COL22A1: variants seen among roughly 807,000 people sequenced by gnomAD.
The protein encoded by COL22A1 is collagen alpha-1(XXII) chain.
In COL22A1, 221 loss-of-function variants were observed where a neutral mutation model predicts 248.9. The ratio of observed to expected loss-of-function variants is 0.89; its 90% CI spans 0.80 to 0.99. The LOEUF is 0.99. Among genes scored for constraint, COL22A1 ranks in the 50% least tolerant of loss-of-function variants. COL22A1 has a pLI of 0.00. For missense variants in COL22A1, 2,240 were observed against 2,179.0 expected (o/e 1.03, Z -0.56); for synonymous variants, 891 against 793.4 (o/e 1.12, Z -2.07).
At chr8:138,612,921 G>C (rs1181887354) in intron 56 of COL22A1, among the ~76,000 whole-genome samples, 2 of 110,672 alleles carry the variant, frequency 1.8e-5, no homozygotes, top group African/African-American at 6.9e-5. Flanking sequence ...GGGTGACACA[G>C]CAGGACTCCA....
chr8:138,646,522 A>T, intron 47 of COL22A1, 107 bp downstream of exon 47: 1 of 851,042 alleles, frequency 1.2e-6, no homozygotes, highest in Non-Finnish European at 1.7e-6. Context: ...GGGTTTTCTG[A>T]TTTTAAAACC....
intron 19 of COL22A1, 108 bp from the exon 20 acceptor site, chr8:138,755,619 G>A (rs990358810): frequency 2.5e-5 from 35 of 1,384,620 alleles, no homozygotes; most frequent in African/African-American, 1.0e-4. Flanking sequence ...CTGTCATGTC[G>A]TGCCTCCTGA....
chr8:138,616,505 T>C (rs1222471416), intron 54 of COL22A1, among the ~76,000 whole-genome samples: 1 of 152,204 alleles, frequency 6.6e-6, no homozygotes, highest in Non-Finnish European at 1.5e-5. Context: ...CTCTGGAGTC[T>C]TCCCATCTGG....
chr8:138,725,570 C>A, intron 23 of COL22A1, 130 bp from the exon 24 acceptor site: 4 of 743,404 alleles, frequency 5.4e-6, no homozygotes, highest in East Asian at 2.9e-5. Context: ...ATTTGTAATG[C>A]CTGATTTTTC....
intron 23 of COL22A1, among the ~76,000 whole-genome samples, chr8:138,727,451 G>A (rs1029845092): frequency 1.3e-5 from 2 of 152,206 alleles, no homozygotes; most frequent in Non-Finnish European, 2.9e-5. Context: ...ATCCTAGGGT[G>A]TGGCATCCAG....
At chr8:138,875,725 C>A (rs1270596488) in intron 3 of COL22A1, among the ~76,000 whole-genome samples, 1 of 152,148 alleles carries the variant, frequency 6.6e-6, no homozygotes, top group Non-Finnish European at 1.5e-5. Flanking sequence ...CTCAGGCCTA[C>A]AACTGAGGGC....
chr8:138,594,106 C>G lies in COL22A1; in HGVS notation c.4526G>C (p.Gly1509Ala). The G allele has an allele frequency of 6.3e-7, 1 of 1,581,840 alleles. No homozygotes were observed. Among genetic ancestry groups the G allele is most frequent in the Non-Finnish European group, 8.5e-7 (1 of 1,170,010 alleles). Residue 1509 changes from glycine to alanine, a missense_variant, in exon 63 of 65, where the codon GGG becomes GCG. By Grantham distance (60) the Gly-to-Ala change is moderately conservative. Transcript: ENST00000303045. ...CATGGGGCCGGCCCGGCCTGGAAGCCCATCTTTTCCAGGGGGCCCTGGGGG... is the reference window on the plus strand; with the variant it reads ...CATGGGGCCGGCCCGGCCTGGAAGCGCATCTTTTCCAGGGGGCCCTGGGGG... The part of the protein sequence containing the change: ...PGPPGPPGKD[G>A]LPGRAGPMGE...
intron 52 of COL22A1, among the ~76,000 whole-genome samples, chr8:138,621,893 C>A (rs977281505): frequency 2.0e-5 from 3 of 152,244 alleles, no homozygotes; most frequent in African/African-American, 7.2e-5. Flanking sequence ...CCATCATGGG[C>A]AGCTCTGCTG....
At chr8:138,596,850 G>C in intron 62 of COL22A1, 54 bp downstream of exon 62, 1 of 1,532,562 alleles carries the variant, frequency 6.5e-7, no homozygotes, top group Non-Finnish European at 9.0e-7. Context: ...CTGAGTGAGA[G>C]AACTGCTTCC....
intron 53 of COL22A1, among the ~76,000 whole-genome samples, chr8:138,618,638 C>T (rs1174435948): frequency 2.6e-5 from 4 of 152,178 alleles, no homozygotes; most frequent in South Asian, 4.2e-4. Context: ...TTATTGAATA[C>T]GAGCCAGGAG....
rs955440823 is a variant in COL22A1 at position 138,716,172 on chromosome 8, C to T, written c.2463+55G>A. On this transcript the variant is annotated intron_variant, in intron 29 of 64. Coordinates refer to ENST00000303045, the MANE Select transcript of COL22A1 (RefSeq NM_152888.3). Reference sequence around the variant, plus strand: ...GACTGAGACTCCACAGGGGGCTGCTCTCTGTGGAGATGGGCGAGGTTCCTG... The same window carrying T: ...GACTGAGACTCCACAGGGGGCTGCTTTCTGTGGAGATGGGCGAGGTTCCTG... 1.6e-5 allele frequency: 22 copies of T among 1,397,668 alleles called. No individual in the cohort carries two copies. In the East Asian group the frequency reaches 4.4e-4, roughly 28 times the overall value. 86.6% of individuals were successfully genotyped at this position (1,397,668 alleles called of 1,614,324 possible).
intron 6 of COL22A1, among the ~76,000 whole-genome samples, chr8:138,824,314 T>C (rs1206925156): frequency 6.6e-6 from 1 of 152,236 alleles, no homozygotes. Flanking sequence ...TTACCAATAC[T>C]AGCTGGGTGG....
chr8:138,591,489 G>T lies in COL22A1; in HGVS notation c.4628C>A (p.Ala1543Asp), dbSNP rs1232267310. The change falls in exon 64 of 65, where the codon GCC becomes GAC. Residue 1543 changes from alanine to aspartate, a missense_variant. Physicochemically the swap from Ala to Asp is moderately radical, Grantham distance 126. Coordinates refer to ENST00000303045, the MANE Select transcript of COL22A1 (RefSeq NM_152888.3). ...TCCAGGTGCACCTGGGTCACCTTTGGCTCCTCGCTCACCTGGGAAGAAAAA... is the reference window on the plus strand; with the variant it reads ...TCCAGGTGCACCTGGGTCACCTTTGTCTCCTCGCTCACCTGGGAAGAAAAA... The part of the protein sequence containing the change: ...GPIGPKGERG[A>D]KGDPGAPGVG... The T allele has an allele frequency of 6.4e-7, 1 of 1,554,778 alleles. No homozygotes were observed. Among genetic ancestry groups the T allele is most frequent in the Non-Finnish European group, 8.7e-7 (1 of 1,148,460 alleles).
chr8:138,840,918 ATTC>A (rs1820834947), intron 4 of COL22A1, among the ~76,000 whole-genome samples: 1 of 152,286 alleles, frequency 6.6e-6, no homozygotes, highest in South Asian at 2.1e-4. Context: ...AGCCAGAATT[ATTC>A]TTAAGTAGAA....
intron 23 of COL22A1, among the ~76,000 whole-genome samples, chr8:138,728,967 G>A (rs147077013): frequency 1.8e-4 from 27 of 152,156 alleles, no homozygotes; most frequent in East Asian, 7.7e-4. Context: ...TGATGAGCCC[G>A]TGAGCATAAC....
chr8:138,829,267 C>T (rs1345680618), intron 5 of COL22A1, among the ~76,000 whole-genome samples: 3 of 152,162 alleles, frequency 2.0e-5, no homozygotes, highest in African/African-American at 7.2e-5. Flanking sequence ...TTCAGAGACA[C>T]CCTCAGTCAC....
intron 1 of COL22A1, among the ~76,000 whole-genome samples, chr8:138,884,003 G>A (rs1824448879): frequency 6.6e-6 from 1 of 152,090 alleles, no homozygotes; most frequent in Admixed American, 6.5e-5. Context: ...CCCCCACCAT[G>A]CTGCACTTGG....
intron 60 of COL22A1, among the ~76,000 whole-genome samples, chr8:138,601,625 C>T (rs1185460791): frequency 1.3e-5 from 2 of 152,176 alleles, no homozygotes. Flanking sequence ...AGTCTTTTCC[C>T]CTCTTGTTTT....
Position 138,811,806 on chromosome 8 carries a change from C to T in COL22A1, c.1442G>A (p.Gly481Glu). The change falls in exon 9 of 65, where the codon GGA becomes GAA. Residue 481 changes from glycine (G) to glutamate (E), a missense_variant. Coordinates refer to ENST00000303045, the MANE Select transcript of COL22A1 (RefSeq NM_152888.3). ...LKTINCSCPA[G>E]EKGEMGVAGP... ...GTGGACTGCAGACAATACCTTCTCT[C>T]CAGCTGGGCAGGAGCAGTTGATGGT... is the stretch of plus-strand genomic sequence containing the variant. 1.2e-6 allele frequency: 2 copies of T among 1,611,106 alleles called. No individual in the cohort carries two copies. The highest frequency in any genetic ancestry group is 1.7e-6 in the Non-Finnish European group (2 of 1,178,542).
Sources: gnomAD v4.1 joint callset for allele counts (sites outside exome capture counted in the v4.1 genomes callset) on GRCh38, gnomAD v4.1.1 for gene constraint, MANE v1.5 for transcripts, NCBI Gene and HGNC (gene_info 2026-07-23, HGNC 2026-07-21) for gene names.